IL6R: variants seen among roughly 807,000 people sequenced by gnomAD.
The protein encoded by IL6R is interleukin-6 receptor subunit alpha.
IL6R carries 38 observed loss-of-function variants against 48.3 expected under a neutral mutation model. The observed-to-expected ratio is 0.79, with a 90% CI of 0.61 to 1.03. The LOEUF is 1.03. Ranked by LOEUF, IL6R falls within the 50% of genes least tolerant of loss-of-function variation. The pLI, the probability that IL6R is intolerant of heterozygous loss-of-function variation, is 0.00. For synonymous variants in IL6R, 264 were observed against 256.2 expected (o/e 1.03, Z -0.29); for missense variants, 534 against 618.3 (o/e 0.86, Z 1.45).
At position 154,405,803 on chromosome 1, in the gene IL6R, G is replaced by A. The variant is rs1687674517; in HGVS notation, c.85+89G>A. The stretch of plus-strand genomic sequence containing the variant: ...CACCGCAGTCTGTGGGAGGCTGGAG[G>A]GAGGAAAGGAGGTGCGACGGATCCC... On this transcript the variant is annotated intron_variant, in intron 1 of 9. Transcript: ENST00000368485. The surrounding 1 kb of genome is among the most constrained non-coding windows in gnomAD (Gnocchi z 5.2). 2.1e-6 allele frequency: 2 copies of A among 948,088 alleles called. No homozygotes were observed. The highest frequency in any genetic ancestry group is 3.2e-5 in the East Asian group (1 of 31,158). 58.7% of individuals were successfully genotyped at this position (948,088 alleles called of 1,614,324 possible). A position where few individuals can be genotyped will look rare whatever the true frequency, so the allele number is the denominator to read the frequency against.
At chr1:154,414,569 G>A (rs113924168) in intron 1 of IL6R, 1 of 748,054 alleles carries the variant, frequency 1.3e-6, no homozygotes. Context: ...TCGGTAAAAG[G>A]GATTTTCTCA....
At chr1:154,434,814 G>A in intron 4 of IL6R, 114 bp downstream of exon 4, 1 of 1,233,912 alleles carries the variant, frequency 8.1e-7, no homozygotes, top group Non-Finnish European at 1.1e-6. Context: ...GTGAGTTGGT[G>A]CCTTTTGGGC....
At chr1:154,461,870 C>G (rs757428265) in intron 9 of IL6R, among the ~76,000 whole-genome samples, 10 of 152,010 alleles carry the variant, frequency 6.6e-5, no homozygotes, top group Non-Finnish European at 1.2e-4. Context: ...GGTCCTGGGA[C>G]AAGGAGATGA....
Position 154,405,729 on chromosome 1 carries a change from C to A in IL6R, c.85+15C>A. 1.4e-6 allele frequency: 2 copies of A among 1,473,576 alleles called. No individual in the cohort carries two copies. The highest frequency in any genetic ancestry group is 8.9e-7 in the Non-Finnish European group (1 of 1,121,276). 91.3% of individuals were successfully genotyped at this position (1,473,576 alleles called of 1,614,324 possible). A position where few individuals can be genotyped will look rare whatever the true frequency, so the allele number is the denominator to read the frequency against. ...CCCTGCGCAGGGTAAGGGCTTCGGG[C>A]GCACCTGGAGGGCTGGGGCAGCTAG... On this transcript the variant is annotated intron_variant, in intron 1 of 9. Transcript: ENST00000368485. This position sits in a 1 kb window ranked among gnomAD's most constrained non-coding sequence, Gnocchi z 5.2.
chr1:154,433,763 C>T (rs535094089), intron 3 of IL6R, among the ~76,000 whole-genome samples: 24 of 150,704 alleles, frequency 1.6e-4, no homozygotes, highest in Admixed American at 1.1e-3. Context: ...GAGTCTCTGT[C>T]GCCCAGGCTG....
chr1:154,416,663 G>A (rs1333339357), intron 1 of IL6R, among the ~76,000 whole-genome samples: 2 of 152,076 alleles, frequency 1.3e-5, no homozygotes, highest in Non-Finnish European at 2.9e-5. Context: ...GTGTGTGCGT[G>A]CATGTGTCTA....
intron 1 of IL6R, among the ~76,000 whole-genome samples, chr1:154,412,662 C>T (rs1688094483): frequency 1.3e-5 from 2 of 152,174 alleles, no homozygotes; most frequent in South Asian, 4.1e-4. Flanking sequence ...TAATTAAAAT[C>T]GCTTAACATT....
chr1:154,465,588 A>T lies in IL6R; in HGVS notation c.*208A>T, dbSNP rs1048863052. On this transcript the variant is annotated 3_prime_UTR_variant, in exon 10 of 10. Transcript: ENST00000368485. ...GTTGAGGTTTCAAACCTCCCTTTCC[A>T]AATGCCCAGCTTAAAGGGGCTAGAG... 5 of 605,858 alleles carry T rather than the reference A, an allele frequency of 8.3e-6. No homozygotes were observed. The African/African-American group carries it at 9.3e-5, about 11-fold the overall frequency. The allele number at this position is 605,858 out of a possible 1,614,324, so 37.5% of individuals were successfully genotyped here.
chr1:154,434,724 C>T (rs775867866), intron 4 of IL6R, 24 bp downstream of exon 4: 5 of 1,597,136 alleles, frequency 3.1e-6, no homozygotes, highest in Non-Finnish European at 4.3e-6. Context: ...AACCCCCTCT[C>T]CAGCAGTTTC....
chr1:154,458,628 C>A (rs1033017182), intron 9 of IL6R, among the ~76,000 whole-genome samples: 2 of 152,110 alleles, frequency 1.3e-5, no homozygotes, highest in African/African-American at 4.8e-5. Flanking sequence ...AGGCCAGGCG[C>A]GGTGGCTCAC....
chr1:154,446,283 T>C (rs1470022539), intron 6 of IL6R, among the ~76,000 whole-genome samples: 2 of 152,208 alleles, frequency 1.3e-5, no homozygotes, highest in Non-Finnish European at 2.9e-5. Context: ...CGGGCCTCTG[T>C]TTCCCCTCTG....
At chr1:154,430,938 T>C (rs73014279) in intron 3 of IL6R, among the ~76,000 whole-genome samples, 4,362 of 152,286 alleles carry the variant, frequency 0.029, 136 homozygotes, top group African/African-American at 0.078. Context: ...AGTAAGTGGC[T>C]CTGCTGGGAA....
intron 1 of IL6R, among the ~76,000 whole-genome samples, chr1:154,416,695 G>A (rs1285634695): frequency 6.6e-6 from 1 of 152,114 alleles, no homozygotes; most frequent in African/African-American, 2.4e-5. Context: ...GGCACATGGG[G>A]GAGCGGAGGG....
chr1:154,447,476 T>TATATATATATACACAC (rs1424013885), intron 6 of IL6R, among the ~76,000 whole-genome samples: 1 of 68,832 alleles, frequency 1.5e-5, no homozygotes, highest in Non-Finnish European at 2.8e-5. Context: ...TATATATATA[T>TATATATATATACACAC]ACACACACAC....
At chr1:154,433,308 C>T (rs1279493775) in intron 3 of IL6R, among the ~76,000 whole-genome samples, 1 of 152,218 alleles carries the variant, frequency 6.6e-6, no homozygotes. Context: ...CACATGCCCA[C>T]ATGTGTCATA....
In IL6R at chr1:154,430,420, G is replaced by T. The variant is rs1187434636; in HGVS notation, c.335-63G>T. ...CCCCTCAAGGGAGGCTGCCCTGTCT[G>T]CGAGGTCAGTGCGCCCCAGGATCCC... is the stretch of plus-strand genomic sequence containing the variant. On this transcript the variant is annotated intron_variant, in intron 2 of 9. Coordinates refer to ENST00000368485, the MANE Select transcript of IL6R (RefSeq NM_000565.4). 2.8e-5 allele frequency: 44 copies of T among 1,589,540 alleles called. No homozygotes were observed. In the East Asian group the frequency reaches 9.9e-4, roughly 36 times the overall value.
At chr1:154,451,630 C>T (rs577149406) in intron 8 of IL6R, among the ~76,000 whole-genome samples, 1 of 152,014 alleles carries the variant, frequency 6.6e-6, no homozygotes, top group South Asian at 2.1e-4. Context: ...GAGACGGAGT[C>T]TCGTCAAGCG....
intron 9 of IL6R, among the ~76,000 whole-genome samples, chr1:154,455,425 T>G (rs540921358): frequency 2.0e-5 from 3 of 151,510 alleles, no homozygotes; most frequent in Admixed American, 6.6e-5. Context: ...GTTTTTTTCT[T>G]TTTCTTTTTC....
intron 6 of IL6R, among the ~76,000 whole-genome samples, chr1:154,443,711 A>G (rs542477476): frequency 6.6e-6 from 1 of 152,336 alleles, no homozygotes; most frequent in African/African-American, 2.4e-5. Context: ...GTGAGAAGCA[A>G]TTAGCACAGA....
Sources: gnomAD v4.1 joint callset for allele counts (sites outside exome capture counted in the v4.1 genomes callset) on GRCh38, gnomAD v4.1.1 for gene constraint, Gnocchi (gnomAD v3.1) non-coding constraint, MANE v1.5 for transcripts, NCBI Gene and HGNC (gene_info 2026-07-23, HGNC 2026-07-21) for gene names.